The following ALDH1L2 variants were observed in gnomAD, a reference collection of about 807,000 sequenced individuals.
The protein encoded by ALDH1L2 is mitochondrial 10-formyltetrahydrofolate dehydrogenase.
Under a neutral mutation model 111.0 loss-of-function variants are expected in ALDH1L2, and 91 were observed. The ratio of observed to expected loss-of-function variants is 0.82; its 90% confidence interval spans 0.69 to 0.98. ALDH1L2 has a LOEUF of 0.98. Ranked by LOEUF, ALDH1L2 falls within the 50% of genes least tolerant of loss-of-function variation. The pLI, the probability that ALDH1L2 is intolerant of heterozygous loss-of-function variation, is 0.00. For synonymous variants in ALDH1L2, 374 were observed against 392.6 expected, an observed-to-expected ratio of 0.95 and a Z score of 0.56; for missense variants, 995 against 1,126.8, an observed-to-expected ratio of 0.88 and a Z score of 1.67.
At chr12:105,077,437 A>ATT (rs776388765) in intron 1 of ALDH1L2, among the ~76,000 whole-genome samples, 1 of 143,860 alleles carries the variant, frequency 7.0e-6, no homozygotes, top group Non-Finnish European at 1.5e-5. Flanking sequence ...TGCCCAGCTA[A>ATT]TTTTTTTTTT....
intron 4 of ALDH1L2, among the ~76,000 whole-genome samples, chr12:105,068,505 C>T (rs1359300587): frequency 2.0e-5 from 3 of 152,032 alleles, no homozygotes; most frequent in Non-Finnish European, 4.4e-5. Context: ...TGGATCACTG[C>T]TCTCAGAAAA....
intron 13 of ALDH1L2, chr12:105,047,617 AG>A (rs1875998653): frequency 6.6e-6 from 1 of 152,288 alleles, no homozygotes; most frequent in South Asian, 2.1e-4. Context: ...GAAAAATAAT[AG>A]GATTAAAAAA....
Position 105,084,451 on chromosome 12 carries a change from C to G in ALDH1L2, c.-15G>C, listed in dbSNP as rs1206236952. 2 of 1,427,868 alleles carry G rather than the reference C, an allele frequency of 1.4e-6. No individual in the cohort carries two copies. Among genetic ancestry groups the G allele is most frequent in the South Asian group, 2.9e-5 (2 of 69,700 alleles). The allele number at this position is 1,427,868 out of a possible 1,614,324, so 88.4% of individuals were successfully genotyped here. On this transcript the variant is annotated 5_prime_UTR_variant, in exon 1 of 23. Coordinates refer to ENST00000258494, the MANE Select transcript of ALDH1L2 (RefSeq NM_001034173.4). ...CGCCGCAGCATGCTGGAGAGGAGCG[C>G]TAGCACTGGCGACGCGGCAGCGCGG...
intron 15 of ALDH1L2, among the ~76,000 whole-genome samples, chr12:105,044,010 C>G (rs1206385593): frequency 2.0e-5 from 3 of 152,148 alleles, no homozygotes; most frequent in Non-Finnish European, 4.4e-5. Context: ...ACACAGAGCC[C>G]TAATATTATA....
At chr12:105,070,403 CTG>C in intron 3 of ALDH1L2, 165 bp downstream of exon 3, 1 of 619,372 alleles carries the variant, frequency 1.6e-6, no homozygotes, top group Non-Finnish European at 2.8e-6. Context: ...CACTCACCCT[CTG>C]TGTAATTAAA....
At chr12:105,046,209 ATATATATATATATT>A (rs1875873677) in intron 15 of ALDH1L2, among the ~76,000 whole-genome samples, 14 of 52,782 alleles carry the variant, frequency 2.7e-4, no homozygotes, top group Non-Finnish European at 3.9e-4. Flanking sequence ...ATATATATAT[ATATATATATATATT>A]TTTTTTTTTT....
At chr12:105,049,856 C>G (rs1876140342) in intron 13 of ALDH1L2, 52 bp downstream of exon 13, 3 of 1,556,572 alleles carry the variant, frequency 1.9e-6, no homozygotes, top group Non-Finnish European at 2.6e-6. Flanking sequence ...CTGGTACAAA[C>G]TAATCAATGT....
At chr12:105,064,674 CCATCAGACCCTGCCAGT>C (rs1002760486) in intron 6 of ALDH1L2, among the ~76,000 whole-genome samples, 3 of 152,178 alleles carry the variant, frequency 2.0e-5, no homozygotes, top group African/African-American at 4.8e-5. Context: ...CAGAGATGGG[CCATCAGACCCTGCCAGT>C]CTGGGCATGT....
At chr12:105,054,154 C>T (rs1876470450) in intron 10 of ALDH1L2, among the ~76,000 whole-genome samples, 1 of 152,120 alleles carries the variant, frequency 6.6e-6, no homozygotes, top group Non-Finnish European at 1.5e-5. Context: ...CCCAAGGTCA[C>T]ACAGCTAGTA....
chr12:105,046,217 ATATATTTTTTTTTTTTT>A (rs1875891193), intron 15 of ALDH1L2, among the ~76,000 whole-genome samples: 3 of 32,732 alleles, frequency 9.2e-5, no homozygotes, highest in African/African-American at 4.2e-4. Context: ...ATATATATAT[ATATATTTTTTTTTTTTT>A]TTTTTTTTTT....
chr12:105,038,278 AAACACACAC>A (rs1565953362), intron 17 of ALDH1L2, 76 bp from the exon 18 acceptor site: 24 of 253,798 alleles, frequency 9.5e-5, no homozygotes, highest in East Asian at 4.7e-4. Flanking sequence ...ACACACACAC[AAACACACAC>A]ACACACACAC....
At chr12:105,071,713 G>A (rs1877741729) in intron 2 of ALDH1L2, among the ~76,000 whole-genome samples, 1 of 123,592 alleles carries the variant, frequency 8.1e-6, no homozygotes, top group South Asian at 2.7e-4. Context: ...CCGGACTGCA[G>A]TGGTGCTATC....
Position 105,024,401 on chromosome 12 carries a change from G to A in ALDH1L2, c.*23C>T, listed in dbSNP as rs1230355199. The A allele has an allele frequency of 6.2e-7, 1 of 1,613,110 alleles. No individual in the cohort carries two copies. The highest frequency in any genetic ancestry group is 1.7e-5 in the Admixed American group (1 of 59,984). On this transcript the variant is annotated 3_prime_UTR_variant, in exon 23 of 23. Transcript: ENST00000258494. ...GAGTTGTAAAGGGCTGTCTGTCAAG[G>A]CTTTCCTGATGATGGTGTTGCTCTA...
Position 105,023,308 on chromosome 12 carries a change from G to A in ALDH1L2, c.*1116C>T, listed in dbSNP as rs560179824. The A allele has an allele frequency of 5.3e-5, 8 of 152,274 alleles. No individual in the cohort carries two copies. The highest frequency in any genetic ancestry group is 1.7e-4 in the African/African-American group (7 of 41,566). 9.4% of individuals were successfully genotyped at this position (152,274 alleles called of 1,614,324 possible). A position where few individuals can be genotyped will look rare whatever the true frequency, so the allele number is the denominator to read the frequency against. On this transcript the variant is annotated 3_prime_UTR_variant, in exon 23 of 23. Coordinates refer to ENST00000258494, the MANE Select transcript of ALDH1L2 (RefSeq NM_001034173.4). ...GTAAGATGTCCCATGAAGGACGAGC[G>A]AGCTGCCCAAAGAAAAGCACCCCTT...
intron 2 of ALDH1L2, among the ~76,000 whole-genome samples, chr12:105,072,194 G>A (rs1007036758): frequency 6.8e-6 from 1 of 147,044 alleles, no homozygotes. Flanking sequence ...TATCCTATAT[G>A]ATATATACAT....
chr12:105,021,622 G>A lies in ALDH1L2; in HGVS notation c.*2802C>T, dbSNP rs1370879873. 6.6e-6 allele frequency: 1 copy of A among 152,046 alleles called. No individual in the cohort carries two copies. The highest frequency in any genetic ancestry group is 6.6e-5 in the Admixed American group (1 of 15,254). The allele number at this position is 152,046 out of a possible 1,614,324, so 9.4% of individuals were successfully genotyped here. Reference sequence around the variant, plus strand: ...AAGTAATAATGGCTTAGGGGTAGAGGTAGTAAGAAAAGCACGTTGATTTCT... The same window carrying A: ...AAGTAATAATGGCTTAGGGGTAGAGATAGTAAGAAAAGCACGTTGATTTCT... On this transcript the variant is annotated 3_prime_UTR_variant, in exon 23 of 23. Transcript: ENST00000258494.
intron 12 of ALDH1L2, among the ~76,000 whole-genome samples, chr12:105,051,406 C>T (rs920340793): frequency 5.9e-5 from 9 of 152,186 alleles, no homozygotes; most frequent in South Asian, 2.1e-4. Context: ...TGTCCCTCCA[C>T]TGCAGTGTGG....
intron 1 of ALDH1L2, among the ~76,000 whole-genome samples, chr12:105,077,486 C>T (rs936575920): frequency 3.3e-5 from 5 of 151,380 alleles, no homozygotes; most frequent in Non-Finnish European, 7.4e-5. Flanking sequence ...ATCGTGTTGC[C>T]CAGGCTGGTC....
At chr12:105,057,738 G>A (rs1310457784) in intron 10 of ALDH1L2, among the ~76,000 whole-genome samples, 1 of 152,156 alleles carries the variant, frequency 6.6e-6, no homozygotes. Flanking sequence ...CATTTTCTAG[G>A]AACTATCATG....
Sources: allele counts gnomAD v4.1 joint callset (sites outside exome capture counted in the v4.1 genomes callset), GRCh38; gene constraint gnomAD v4.1.1; transcripts MANE v1.5; gene names NCBI Gene and HGNC (gene_info 2026-07-23, HGNC 2026-07-21).